CAMK4: variants seen among roughly 807,000 people sequenced by gnomAD.
CAMK4 encodes calcium/calmodulin dependent protein kinase IV, also known as calcium/calmodulin-dependent protein kinase type IV.
In CAMK4, 22 loss-of-function variants were observed where a neutral mutation model predicts 44.9. The ratio of observed to expected loss-of-function variants is 0.49; its 90% confidence interval spans 0.35 to 0.70. The LOEUF is 0.70. Among genes scored for constraint, CAMK4 ranks in the 30% least tolerant of loss-of-function variants. The pLI is 0.01. For synonymous variants in CAMK4, 218 were observed against 215.4 expected, an observed-to-expected ratio of 1.01 and a Z score of -0.11; for missense variants, 498 against 586.8, an observed-to-expected ratio of 0.85 and a Z score of 1.56.
At chr5:111,439,116 G>A (rs781575605) in intron 5 of CAMK4, among the ~76,000 whole-genome samples, 9 of 151,882 alleles carry the variant, frequency 5.9e-5, no homozygotes, top group Non-Finnish European at 1.2e-4. Context: ...TATCTTCCTC[G>A]CCCCTCGAGA....
chr5:111,415,234 GC>G (rs1481978709), intron 5 of CAMK4, among the ~76,000 whole-genome samples: 1 of 152,126 alleles, frequency 6.6e-6, no homozygotes, highest in Non-Finnish European at 1.5e-5. Context: ...CTCTGGCTCT[GC>G]CCCACCCAGG....
rs1754042808 is a variant in CAMK4, at chr5:111,446,750, C to T, written c.524C>T (p.Pro175Leu). The T allele has an allele frequency of 6.2e-7, 1 of 1,608,114 alleles. No individual in the cohort carries two copies. Among genetic ancestry groups the T allele is most frequent in the Admixed American group, 1.7e-5 (1 of 59,922 alleles). Residue 175 changes from proline (P) to leucine (L), a missense_variant, in exon 6 of 11, where the codon CCA becomes CTA. Transcript: ENST00000282356. ...CCAGAGAATCTTCTTTATGCAACTC[C>T]AGCCCCAGATGCACCACTCAAAATC... ...LKPENLLYAT[P>L]APDAPLKIAD...
intron 7 of CAMK4, among the ~76,000 whole-genome samples, chr5:111,450,191 A>C (rs926117899): frequency 6.6e-6 from 1 of 152,078 alleles, no homozygotes; most frequent in South Asian, 2.1e-4. Context: ...TTAGCCAGGT[A>C]TGATGGTGCA....
intron 7 of CAMK4, among the ~76,000 whole-genome samples, chr5:111,469,915 A>G (rs973602364): frequency 6.6e-6 from 1 of 152,252 alleles, no homozygotes; most frequent in Non-Finnish European, 1.5e-5. Context: ...CAAGATCCAG[A>G]AAATATAAAA....
intron 2 of CAMK4, among the ~76,000 whole-genome samples, chr5:111,365,662 A>G (rs1750763796): frequency 6.6e-6 from 1 of 152,080 alleles, no homozygotes; most frequent in Non-Finnish European, 1.5e-5. Context: ...ATGAGGAGCA[A>G]GAAGGATGTC....
At chr5:111,232,516 C>T (rs1748526533) in intron 1 of CAMK4, among the ~76,000 whole-genome samples, 1 of 152,070 alleles carries the variant, frequency 6.6e-6, no homozygotes, top group Admixed American at 6.5e-5. Context: ...AAAGCATGAA[C>T]ATTGCAATGG....
chr5:111,471,784 A>T (rs1755074813), intron 7 of CAMK4, among the ~76,000 whole-genome samples: 1 of 152,190 alleles, frequency 6.6e-6, no homozygotes, highest in Non-Finnish European at 1.5e-5. Flanking sequence ...GAACATGATG[A>T]GAGTTAAGGG....
At position 111,301,783 on chromosome 5, in the gene CAMK4, A is replaced by C. The variant is rs551098085; in HGVS notation, c.162-42241A>C. On this transcript the variant is annotated intron_variant, in intron 1 of 10. Transcript: ENST00000282356. The stretch of plus-strand genomic sequence containing the variant: ...CTTTCCTATACATAAACTTGCTTCC[A>C]TTTATAGATTAAGTTTTATTTTTAG... Among the ~76,000 whole-genome samples the C allele has an allele frequency of 2.6e-5, 4 of 152,280 alleles. No homozygotes were observed. In the East Asian group the frequency reaches 7.7e-4, roughly 29 times the overall value.
rs117317559 is a variant in CAMK4, at chr5:111,314,944, A to T, written c.162-29080A>T. On this transcript the variant is annotated intron_variant, in intron 1 of 10. Transcript: ENST00000282356. The stretch of plus-strand genomic sequence containing the variant: ...CTGAGATAATGGATTTGATATCAAA[A>T]AAAGTATCTTATCAAAGATAAGATA... Among the ~76,000 whole-genome samples, 1,255 of 152,210 alleles carry T rather than the reference A, an allele frequency of 8.2e-3. 53 individuals carry two copies. The highest frequency in any genetic ancestry group is 0.055 in the Admixed American group (841 of 15,258).
intron 1 of CAMK4, among the ~76,000 whole-genome samples, chr5:111,238,152 C>A (rs113622242): frequency 1.8e-4 from 27 of 152,242 alleles, no homozygotes; most frequent in African/African-American, 6.3e-4. Context: ...TTTTCTGAGT[C>A]CAGTTACCCC....
intron 5 of CAMK4, among the ~76,000 whole-genome samples, chr5:111,441,162 A>G (rs572131109): frequency 6.6e-6 from 1 of 152,310 alleles, no homozygotes; most frequent in African/African-American, 2.4e-5. Flanking sequence ...AAAAATCTCA[A>G]TATACGTATT....
At chr5:111,283,269 G>C (rs767022534) in intron 1 of CAMK4, among the ~76,000 whole-genome samples, 1 of 152,138 alleles carries the variant, frequency 6.6e-6, no homozygotes, top group East Asian at 1.9e-4. Context: ...AGCTCTTTTA[G>C]ACTTATATGT....
intron 1 of CAMK4, among the ~76,000 whole-genome samples, chr5:111,267,566 C>T (rs1266037523): frequency 6.6e-6 from 1 of 151,648 alleles, no homozygotes; most frequent in Admixed American, 6.6e-5. Context: ...TAGCGGGGCG[C>T]AGTGGCGGGC....
chr5:111,358,226 G>A (rs1393771640), intron 2 of CAMK4: 1 of 152,082 alleles, frequency 6.6e-6, no homozygotes, highest in African/African-American at 2.4e-5. Context: ...TGAGTTTAGT[G>A]AGTCTCACAT....
At chr5:111,447,162 A>T (rs2112973593) in intron 6 of CAMK4, among the ~76,000 whole-genome samples, 1 of 152,316 alleles carries the variant, frequency 6.6e-6, no homozygotes, top group East Asian at 1.9e-4. Context: ...TAGGTAATAA[A>T]GAACTTTGAC....
chr5:111,473,580 C>T (rs577338956), intron 8 of CAMK4, among the ~76,000 whole-genome samples, 194 bp downstream of exon 8: 3 of 152,104 alleles, frequency 2.0e-5, no homozygotes, highest in East Asian at 1.9e-4. Context: ...TTCTTGAGAC[C>T]GGAATTCTTG....
In CAMK4 at chr5:111,262,329, A is replaced by ATGAT. The variant is rs1328385229; in HGVS notation, c.161+37688_161+37691dup. On this transcript the variant is annotated intron_variant, in intron 1 of 10. Coordinates refer to ENST00000282356, the MANE Select transcript of CAMK4 (RefSeq NM_001744.6). ...GGATGTTAGTGGAGGGCTGATCAAC[A>ATGAT]TGATTGGGCCACTGGTGCTTATTGA... is the stretch of plus-strand genomic sequence containing the variant. 5.0e-4 allele frequency among the ~76,000 whole-genome samples: 76 copies of ATGAT among 152,146 alleles called. 1 individual carries two copies. Among genetic ancestry groups the ATGAT allele is most frequent in the Admixed American group, 5.0e-3 (76 of 15,274 alleles).
At chr5:111,321,378 G>C (rs1748655101) in intron 1 of CAMK4, among the ~76,000 whole-genome samples, 1 of 152,112 alleles carries the variant, frequency 6.6e-6, no homozygotes, top group Admixed American at 6.6e-5. Context: ...ACCCTGTTCA[G>C]ACCAAACAAA....
At chr5:111,230,848 A>T (rs1748438070) in intron 1 of CAMK4, among the ~76,000 whole-genome samples, 5 of 151,558 alleles carry the variant, frequency 3.3e-5, no homozygotes. Flanking sequence ...TTTTTTAAAA[A>T]CTCTTTTGGG....
Sources: allele counts gnomAD v4.1 joint callset (sites outside exome capture counted in the v4.1 genomes callset), GRCh38; gene constraint gnomAD v4.1.1; transcripts MANE v1.5; gene names NCBI Gene and HGNC (gene_info 2026-07-23, HGNC 2026-07-21).